Variants in SLC9A9 observed in about 807,000 individuals in gnomAD.
The protein encoded by SLC9A9 is sodium/hydrogen exchanger 9.
SLC9A9 carries 62 observed loss-of-function variants against 77.8 expected under a neutral mutation model. The ratio of observed to expected loss-of-function variants is 0.80; its 90% CI spans 0.65 to 0.98. SLC9A9 has a LOEUF of 0.98. SLC9A9 is among the 50% of genes least tolerant of loss of function. The pLI is 0.00. For missense variants in SLC9A9, 775 were observed against 774.9 expected, an observed-to-expected ratio of 1.00 and a Z score of 0.00; for synonymous variants, 320 against 283.5, an observed-to-expected ratio of 1.13 and a Z score of -1.29.
chr3:143,391,853 G>A (rs2033574354), intron 12 of SLC9A9, among the ~76,000 whole-genome samples: 1 of 152,164 alleles, frequency 6.6e-6, no homozygotes, highest in South Asian at 2.1e-4. Context: ...AGGTATCAGT[G>A]ATTGAAGATC....
intron 12 of SLC9A9, among the ~76,000 whole-genome samples, chr3:143,439,458 A>G (rs537831250): frequency 1.3e-5 from 2 of 149,380 alleles, no homozygotes; most frequent in African/African-American, 4.9e-5. Context: ...TGAGGAAAGG[A>G]CCGTGGAGAA....
At chr3:143,373,803 T>C (rs2033112680) in intron 13 of SLC9A9, among the ~76,000 whole-genome samples, 1 of 151,878 alleles carries the variant, frequency 6.6e-6, no homozygotes, top group Non-Finnish European at 1.5e-5. Context: ...AATAGACTAA[T>C]ACCTAAGTGA....
chr3:143,642,998 G>C (rs2038647315), intron 6 of SLC9A9, among the ~76,000 whole-genome samples: 1 of 151,866 alleles, frequency 6.6e-6, no homozygotes, highest in Non-Finnish European at 1.5e-5. Flanking sequence ...TAGTTCCTTA[G>C]GGTGCTTGTC....
At chr3:143,559,912 C>T (rs923219340) in intron 8 of SLC9A9, among the ~76,000 whole-genome samples, 2 of 152,194 alleles carry the variant, frequency 1.3e-5, no homozygotes, top group African/African-American at 4.8e-5. Flanking sequence ...CAGAGCAGTT[C>T]ACCCCACAAA....
rs1158057516 is a variant in SLC9A9, at chr3:143,502,262, A to G, written c.1090-6814T>C. On this transcript the variant is annotated intron_variant, in intron 9 of 15. Coordinates refer to ENST00000316549, the MANE Select transcript of SLC9A9 (RefSeq NM_173653.4). ...TCTTTGCTTAGCAGGGCTTTTGTTC[A>G]AGGGGCAGGGGGGAAGCAAGTTAAT... 2.7e-5 allele frequency among the ~76,000 whole-genome samples: 4 copies of G among 148,428 alleles called. No homozygotes were observed. In the East Asian group the frequency reaches 5.8e-4, roughly 21 times the overall value.
chr3:143,639,305 G>A (rs2038582132), intron 6 of SLC9A9, among the ~76,000 whole-genome samples: 2 of 152,174 alleles, frequency 1.3e-5, no homozygotes, highest in Admixed American at 6.5e-5. Flanking sequence ...TTCCTTGCAT[G>A]AGGCAGAAGT....
At chr3:143,590,249 T>C (rs956629515) in intron 6 of SLC9A9, among the ~76,000 whole-genome samples, 1 of 152,240 alleles carries the variant, frequency 6.6e-6, no homozygotes, top group African/African-American at 2.4e-5. Flanking sequence ...TTGTGTTTCC[T>C]TCATAGAGTG....
At chr3:143,652,110 T>A in intron 6 of SLC9A9, 145 bp downstream of exon 6, 1 of 679,280 alleles carries the variant, frequency 1.5e-6, no homozygotes. Flanking sequence ...CCTAATGAAT[T>A]GTGCCCATTA....
chr3:143,287,540 A>T (rs1938416591), intron 14 of SLC9A9, among the ~76,000 whole-genome samples: 1 of 152,204 alleles, frequency 6.6e-6, no homozygotes, highest in East Asian at 1.9e-4. Flanking sequence ...AACCTGGAGC[A>T]GATCGTCCAT....
At chr3:143,329,058 C>T (rs933353687) in intron 14 of SLC9A9, among the ~76,000 whole-genome samples, 3 of 152,206 alleles carry the variant, frequency 2.0e-5, no homozygotes, top group African/African-American at 7.2e-5. Flanking sequence ...CAAAGTCAAA[C>T]GACCAACTTT....
At chr3:143,501,479 G>A (rs1319793124) in intron 9 of SLC9A9, among the ~76,000 whole-genome samples, 5 of 150,646 alleles carry the variant, frequency 3.3e-5, no homozygotes, top group South Asian at 2.1e-4. Context: ...GTCCTCTCAC[G>A]AAGGGGATAC....
chr3:143,809,145 G>T (rs1039562920), intron 2 of SLC9A9, among the ~76,000 whole-genome samples: 1 of 152,214 alleles, frequency 6.6e-6, no homozygotes, highest in Non-Finnish European at 1.5e-5. Context: ...GGATGAAGCA[G>T]TGCAGCTGTG....
chr3:143,302,092 T>C (rs1298871230), intron 14 of SLC9A9, among the ~76,000 whole-genome samples: 2 of 152,128 alleles, frequency 1.3e-5, no homozygotes, highest in Non-Finnish European at 1.5e-5. Context: ...TGCTAGGGGC[T>C]TTAAGACAGT....
intron 14 of SLC9A9, among the ~76,000 whole-genome samples, chr3:143,276,813 T>A (rs1938064045): frequency 6.6e-6 from 1 of 151,450 alleles, no homozygotes; most frequent in Admixed American, 6.6e-5. Context: ...CCTACATGCA[T>A]GTTATTTGCA....
At chr3:143,811,784 C>A (rs1447723486) in intron 2 of SLC9A9, 3 of 449,512 alleles carry the variant, frequency 6.7e-6, no homozygotes, top group East Asian at 1.4e-4. Context: ...ATCGCATGAA[C>A]CCGGGAGGCA....
chr3:143,663,754 A>T (rs2039018211), intron 5 of SLC9A9, among the ~76,000 whole-genome samples: 1 of 152,206 alleles, frequency 6.6e-6, no homozygotes, highest in Non-Finnish European at 1.5e-5. Flanking sequence ...AAGTGAGAAG[A>T]GAAGTTTAGA....
At chr3:143,828,057 T>A (rs16854424) in intron 2 of SLC9A9, among the ~76,000 whole-genome samples, 3 of 152,138 alleles carry the variant, frequency 2.0e-5, no homozygotes, top group African/African-American at 7.2e-5. Context: ...TGGGGTATAA[T>A]AATTTACTCA....
At chr3:143,480,064 C>A (rs1361560077) in intron 11 of SLC9A9, among the ~76,000 whole-genome samples, 1 of 152,182 alleles carries the variant, frequency 6.6e-6, no homozygotes, top group Non-Finnish European at 1.5e-5. Flanking sequence ...CATTTTACAG[C>A]CTAGGGCACT....
intron 13 of SLC9A9, among the ~76,000 whole-genome samples, chr3:143,375,445 T>C (rs983167748): frequency 1.3e-5 from 2 of 152,242 alleles, no homozygotes; most frequent in African/African-American, 4.8e-5. Context: ...AATGTATCAC[T>C]TCTGATGCTC....
Sources: gnomAD v4.1 joint callset for allele counts (sites outside exome capture counted in the v4.1 genomes callset) on GRCh38, gnomAD v4.1.1 for gene constraint, MANE v1.5 for transcripts, NCBI Gene and HGNC (gene_info 2026-07-23, HGNC 2026-07-21) for gene names.